GRM8: variants seen among roughly 807,000 people sequenced by gnomAD.
GRM8 encodes glutamate metabotropic receptor 8.
GRM8 carries 47 observed loss-of-function variants against 87.2 expected under a neutral mutation model. The observed-to-expected ratio is 0.54, with a 90% confidence interval of 0.43 to 0.69. The LOEUF (loss-of-function observed/expected upper bound fraction) is 0.69. GRM8 is among the 30% of genes least tolerant of loss of function. The probability of loss-of-function intolerance (pLI) is 0.00; values close to 1 mark genes in which losing one functional copy is unlikely to be tolerated. For missense variants in GRM8, 1,019 were observed against 1,139.2 expected, an observed-to-expected ratio of 0.89 and a Z score of 1.52; for synonymous variants, 396 against 404.5, an observed-to-expected ratio of 0.98 and a Z score of 0.25.
intron 3 of GRM8, among the ~76,000 whole-genome samples, chr7:126,952,308 A>G (rs966600742): frequency 1.3e-5 from 2 of 152,096 alleles, no homozygotes; most frequent in African/African-American, 4.8e-5. Context: ...ATAATCTATT[A>G]TCTAAATAGG....
chr7:127,011,223 C>G (rs1814860756), intron 3 of GRM8, among the ~76,000 whole-genome samples: 2 of 151,926 alleles, frequency 1.3e-5, no homozygotes, highest in Admixed American at 1.3e-4. Context: ...AATTGGACAC[C>G]CTTGGCCTTT....
intron 2 of GRM8, among the ~76,000 whole-genome samples, chr7:127,214,415 G>A (rs551001814): frequency 1.3e-5 from 2 of 152,254 alleles, no homozygotes; most frequent in African/African-American, 4.8e-5. Flanking sequence ...TCTAATCAGT[G>A]ATTTTCAGAA....
chr7:126,826,933 G>A (rs1407558196), intron 6 of GRM8, among the ~76,000 whole-genome samples: 2 of 152,166 alleles, frequency 1.3e-5, no homozygotes. Context: ...TTCTCCATAT[G>A]GCTAACCAGT....
At chr7:126,581,508 T>G (rs546041631) in intron 8 of GRM8, among the ~76,000 whole-genome samples, 22 of 152,200 alleles carry the variant, frequency 1.4e-4, no homozygotes, top group African/African-American at 5.1e-4. Context: ...ATGCCTGTGA[T>G]GAAGACAGAA....
intron 9 of GRM8, among the ~76,000 whole-genome samples, chr7:126,472,558 T>A (rs1321357131): frequency 1.3e-5 from 2 of 152,122 alleles, no homozygotes; most frequent in Non-Finnish European, 2.9e-5. Flanking sequence ...AAGCAGAGCA[T>A]AAAAGTTTGA....
Position 126,769,895 on chromosome 7 carries a change from G to A in GRM8, c.1327C>T (p.Leu443Phe), listed in dbSNP as rs1217168666. 8.1e-6 allele frequency: 13 copies of A among 1,610,884 alleles called. No homozygotes were observed. The highest frequency in any genetic ancestry group is 1.3e-5 in the African/African-American group (1 of 74,768). Reference sequence around the variant, plus strand: ...AAATTTACAGCCCGAATATAACCAAGTAGCTCTTTCCCATCAATGGTACTC... The same window carrying A: ...AAATTTACAGCCCGAATATAACCAAATAGCTCTTTCCCATCAATGGTACTC... ...RMSTIDGKEL[L>F]GYIRAVNFNG... The change falls in exon 7 of 11, where the codon CTT (leucine) becomes TTT (phenylalanine). Residue 443 changes from leucine (L) to phenylalanine (F), a missense_variant. Coordinates refer to ENST00000339582, the MANE Select transcript of GRM8 (RefSeq NM_000845.3).
intron 7 of GRM8, among the ~76,000 whole-genome samples, chr7:126,666,389 G>A (rs1438907361): frequency 6.6e-6 from 1 of 152,022 alleles, no homozygotes; most frequent in Admixed American, 6.6e-5. Context: ...TAAATTTCAT[G>A]GGGAAAAACA....
In GRM8 at chr7:126,934,339, T is replaced by G. The variant is rs572584485; in HGVS notation, c.728-29656A>C. ...TGTTCAGTGATGGGTCTCCACAGCA[T>G]GCTTATGACTTTTTAAAATTGATTT... On this transcript the variant is annotated intron_variant, in intron 3 of 10. Coordinates refer to ENST00000339582, the MANE Select transcript of GRM8 (RefSeq NM_000845.3). Among the ~76,000 whole-genome samples the G allele has an allele frequency of 1.9e-4, 29 of 152,328 alleles. No homozygotes were observed. In the South Asian group the frequency reaches 4.3e-3, roughly 23 times the overall value.
At chr7:126,703,106 A>C (rs1176239982) in intron 7 of GRM8, among the ~76,000 whole-genome samples, 1 of 152,134 alleles carries the variant, frequency 6.6e-6, no homozygotes, top group Non-Finnish European at 1.5e-5. Context: ...TATATTGGGA[A>C]TTCATTGAGG....
chr7:126,491,863 C>G (rs1808057700), intron 9 of GRM8, among the ~76,000 whole-genome samples: 1 of 151,992 alleles, frequency 6.6e-6, no homozygotes, highest in African/African-American at 2.4e-5. Flanking sequence ...ATATTTTAAT[C>G]ATTCATACAG....
At chr7:126,754,059 T>C (rs1445525126) in intron 7 of GRM8, among the ~76,000 whole-genome samples, 2 of 151,894 alleles carry the variant, frequency 1.3e-5, no homozygotes, top group African/African-American at 2.4e-5. Context: ...CAGTTTTTTT[T>C]CCTAATTCAA....
intron 7 of GRM8, among the ~76,000 whole-genome samples, chr7:126,762,826 A>G (rs911234584): frequency 1.3e-5 from 2 of 151,888 alleles, no homozygotes; most frequent in African/African-American, 2.4e-5. Flanking sequence ...AGAAAATAAG[A>G]ATTTGATATG....
chr7:127,027,004 T>C (rs1824380505), intron 3 of GRM8, among the ~76,000 whole-genome samples: 2 of 152,206 alleles, frequency 1.3e-5, no homozygotes, highest in East Asian at 1.9e-4. Flanking sequence ...CTTGAATTAA[T>C]TTTTGTATAA....
At chr7:126,594,099 T>C (rs1223739771) in intron 8 of GRM8, among the ~76,000 whole-genome samples, 3 of 151,816 alleles carry the variant, frequency 2.0e-5, no homozygotes, top group African/African-American at 7.2e-5. Flanking sequence ...AAAGTATTAG[T>C]GAGGATATGG....
chr7:126,733,030 C>T (rs540714530), intron 7 of GRM8, among the ~76,000 whole-genome samples: 71 of 152,108 alleles, frequency 4.7e-4, no homozygotes, highest in African/African-American at 1.6e-3. Flanking sequence ...AGCTCATCAG[C>T]TATCATTAGT....
chr7:126,768,938 A>AT (rs1554485650), intron 7 of GRM8, among the ~76,000 whole-genome samples: 1 of 148,064 alleles, frequency 6.8e-6, no homozygotes, highest in African/African-American at 2.5e-5. Context: ...AAAAAAAAAA[A>AT]AAATAAAGAA....
At chr7:126,592,575 T>G (rs1796786820) in intron 8 of GRM8, among the ~76,000 whole-genome samples, 1 of 151,930 alleles carries the variant, frequency 6.6e-6, no homozygotes, top group Admixed American at 6.6e-5. Context: ...TTTGACAACA[T>G]TCAACATACT....
intron 6 of GRM8, among the ~76,000 whole-genome samples, chr7:126,894,220 T>G (rs1801327882): frequency 6.6e-6 from 1 of 152,094 alleles, no homozygotes; most frequent in Non-Finnish European, 1.5e-5. Context: ...AGACAATTTA[T>G]CCTAATGTTT....
rs1477117360 is a variant in GRM8, at chr7:127,108,537, C to T, written c.511-1825G>A. On this transcript the variant is annotated intron_variant, in intron 2 of 10. Transcript: ENST00000339582. ...TCCTATTTGGATACCGATACTCCCA[C>T]TTCCTGAGCTACTAAGAGTCCAGCA... Among the ~76,000 whole-genome samples the T allele has an allele frequency of 2.0e-5, 3 of 152,156 alleles. No individual in the cohort carries two copies. The East Asian group carries it at 5.8e-4, about 29-fold the overall frequency.
Sources: allele counts gnomAD v4.1 joint callset (sites outside exome capture counted in the v4.1 genomes callset), GRCh38; gene constraint gnomAD v4.1.1; transcripts MANE v1.5; gene names NCBI Gene and HGNC (gene_info 2026-07-23, HGNC 2026-07-21).